ZNF500: variants seen among roughly 807,000 people sequenced by gnomAD.
The protein encoded by ZNF500 is zinc finger protein 500.
In ZNF500, 31 loss-of-function variants were observed where a neutral mutation model predicts 30.1. The observed-to-expected ratio is 1.03, with a 90% CI of 0.77 to 1.39. The LOEUF is 1.39. Ranked by LOEUF, ZNF500 falls within the 40% of genes most tolerant of loss-of-function variation. The probability of loss-of-function intolerance (pLI) is 0.00; values close to 1 mark genes in which losing one functional copy is unlikely to be tolerated. For missense variants in ZNF500, 817 were observed against 657.8 expected (o/e 1.24, Z -2.65); for synonymous variants, 392 against 282.0 (o/e 1.39, Z -3.91).
intron 4 of ZNF500, among the ~76,000 whole-genome samples, chr16:4,761,563 A>G (rs1162277934): frequency 2.0e-5 from 3 of 149,324 alleles, no homozygotes; most frequent in African/African-American, 7.4e-5. Context: ...AAAATAAAAC[A>G]GGCCAGGCAT....
At chr16:4,762,922 C>A (rs2082223070) in intron 2 of ZNF500, 166 bp from the exon 3 acceptor site, 1 of 985,290 alleles carries the variant, frequency 1.0e-6, no homozygotes, top group African/African-American at 1.7e-5. Flanking sequence ...TCCCTGCAGC[C>A]AGCTCCCAGC....
Position 4,765,754 on chromosome 16 carries a change from G to A in ZNF500, c.225C>T (p.Cys75=), listed in dbSNP as rs2141851996. 6.2e-7 allele frequency: 1 copy of A among 1,613,214 alleles called. No homozygotes were observed. The highest frequency in any genetic ancestry group is 8.5e-7 in the Non-Finnish European group (1 of 1,179,932). Residue 75 remains cysteine, a synonymous_variant, in exon 2 of 6, where the codon TGC becomes TGT. Coordinates refer to ENST00000219478, the MANE Select transcript of ZNF500 (RefSeq NM_021646.4). ...REALSRLWEL[C]CRWLRPELRT... is the part of the protein sequence containing the mutation. ...GCAGCTCCGGCCGCAGCCAGCGGCA[G>A]CACAGCTCCCAGAGGCGGCTCAGGG...
chr16:4,752,120 T>C lies in ZNF500; in HGVS notation c.*256A>G. 1 of 1,346,210 alleles carries C rather than the reference T, an allele frequency of 7.4e-7. No homozygotes were observed. The highest frequency in any genetic ancestry group is 9.5e-7 in the Non-Finnish European group (1 of 1,054,452). 83.4% of individuals were successfully genotyped at this position (1,346,210 alleles called of 1,614,324 possible). A position where few individuals can be genotyped will look rare whatever the true frequency, so the allele number is the denominator to read the frequency against. ...GCTTCTGGCCTCCTGAGTGTGTCTCTGTGGCTGAAGCCCCTGCTCTGTGTC... is the reference window on the plus strand; with the variant it reads ...GCTTCTGGCCTCCTGAGTGTGTCTCCGTGGCTGAAGCCCCTGCTCTGTGTC... On this transcript the variant is annotated 3_prime_UTR_variant, in exon 6 of 6. Coordinates refer to ENST00000219478, the MANE Select transcript of ZNF500 (RefSeq NM_021646.4).
Position 4,763,653 on chromosome 16 carries a change from C to A in ZNF500, c.415-897G>T, listed in dbSNP as rs1229213202. 5 of 985,304 alleles carry A rather than the reference C, an allele frequency of 5.1e-6. No homozygotes were observed. In the African/African-American group the frequency reaches 8.7e-5, roughly 17 times the overall value. The allele number at this position is 985,304 out of a possible 1,614,324, so 61.0% of individuals were successfully genotyped here. On this transcript the variant is annotated intron_variant, in intron 2 of 5. Coordinates refer to ENST00000219478, the MANE Select transcript of ZNF500 (RefSeq NM_021646.4). The stretch of plus-strand genomic sequence containing the variant: ...CCCTTGGGGAGCACAGCCTGCCCCT[C>A]TCAGCTCAGTGATGGCCATGAGGCA...
In ZNF500 at chr16:4,760,731, C is replaced by A. The variant is rs368040204; in HGVS notation, c.664-143G>T. On this transcript the variant is annotated intron_variant, in intron 4 of 5. Transcript: ENST00000219478. ...TGGTGCAGCTGGTCTTCTCCACTCT[C>A]GTTGCAGTGGTGAGTCCTGGTGTCT... 5.2e-5 allele frequency: 35 copies of A among 675,482 alleles called. No individual in the cohort carries two copies. The African/African-American group carries it at 5.6e-4, about 11-fold the overall frequency. The allele number at this position is 675,482 out of a possible 1,614,324, so 41.8% of individuals were successfully genotyped here. A position where few individuals can be genotyped will look rare whatever the true frequency, so the allele number is the denominator to read the frequency against.
At position 4,748,349 on chromosome 16, in the gene ZNF500, GC is replaced by G. The variant is rs2082045743; in HGVS notation, c.*4026del. 2 of 151,722 alleles carry G rather than the reference GC, an allele frequency of 1.3e-5. No individual in the cohort carries two copies. Among genetic ancestry groups the G allele is most frequent in the South Asian group, 4.2e-4 (2 of 4,790 alleles). 9.4% of individuals were successfully genotyped at this position (151,722 alleles called of 1,614,324 possible). On this transcript the variant is annotated 3_prime_UTR_variant, in exon 6 of 6. Coordinates refer to ENST00000219478, the MANE Select transcript of ZNF500 (RefSeq NM_021646.4). The stretch of plus-strand genomic sequence containing the variant: ...TATAGCACTGTGAGCTGCCAGCCTG[GC>G]TTTTAATGAACTTTTTGAAAGAGGA...
At position 4,750,030 on chromosome 16, in the gene ZNF500, G is replaced by C. The variant is rs1435628031; in HGVS notation, c.*2346C>G. 2 of 152,730 alleles carry C rather than the reference G, an allele frequency of 1.3e-5. No individual in the cohort carries two copies. The highest frequency in any genetic ancestry group is 6.5e-5 in the Admixed American group (1 of 15,292). The allele number at this position is 152,730 out of a possible 1,614,324, so 9.5% of individuals were successfully genotyped here. A position where few individuals can be genotyped will look rare whatever the true frequency, so the allele number is the denominator to read the frequency against. On this transcript the variant is annotated 3_prime_UTR_variant, in exon 6 of 6. Coordinates refer to ENST00000219478, the MANE Select transcript of ZNF500 (RefSeq NM_021646.4). The stretch of plus-strand genomic sequence containing the variant: ...CAGTGGGAGGCCACAGCCTCGGCAG[G>C]GGGAGGGAAGTGGGCAGACCCCAAC...
In ZNF500 at chr16:4,749,001, G is replaced by T. The variant is rs2082052609; in HGVS notation, c.*3375C>A. 6.6e-6 allele frequency: 1 copy of T among 152,330 alleles called. No homozygotes were observed. The highest frequency in any genetic ancestry group is 1.5e-5 in the Non-Finnish European group (1 of 68,108). 9.4% of individuals were successfully genotyped at this position (152,330 alleles called of 1,614,324 possible). On this transcript the variant is annotated 3_prime_UTR_variant, in exon 6 of 6. Transcript: ENST00000219478. ...GATGTCTGCTCTCTGGACCCCACGT[G>T]ATCTGGCCACTGGGGACCCCCACCC...
chr16:4,759,457 G>A (rs907810433), intron 5 of ZNF500, among the ~76,000 whole-genome samples: 1 of 152,136 alleles, frequency 6.6e-6, no homozygotes, highest in Admixed American at 6.6e-5. Context: ...CACGTTCACT[G>A]CAGCATTATT....
At chr16:4,754,399 C>A (rs2082115170) in intron 5 of ZNF500, among the ~76,000 whole-genome samples, 1 of 152,092 alleles carries the variant, frequency 6.6e-6, no homozygotes, top group Non-Finnish European at 1.5e-5. Context: ...GTGGCTCATG[C>A]CTGTAATCCA....
chr16:4,757,636 T>C (rs2082150576), intron 5 of ZNF500, among the ~76,000 whole-genome samples: 1 of 151,950 alleles, frequency 6.6e-6, no homozygotes, highest in African/African-American at 2.4e-5. Flanking sequence ...GGAGTCTTGC[T>C]CTGTTGCCCA....
rs1567521659 is a variant in ZNF500 at position 4,753,324 on chromosome 16, T to A, written c.761-266A>T. 4.3e-5 allele frequency: 23 copies of A among 534,708 alleles called. No individual in the cohort carries two copies. In the East Asian group the frequency reaches 7.9e-4, roughly 18 times the overall value. 33.1% of individuals were successfully genotyped at this position (534,708 alleles called of 1,614,324 possible). A position where few individuals can be genotyped will look rare whatever the true frequency, so the allele number is the denominator to read the frequency against. The stretch of plus-strand genomic sequence containing the variant: ...GAAAATAAACAAAACTAGCTGGGCA[T>A]GGTGGCGTGTGCCTGTAGTCCTAGC... On this transcript the variant is annotated intron_variant, in intron 5 of 5. Coordinates refer to ENST00000219478, the MANE Select transcript of ZNF500 (RefSeq NM_021646.4).
Position 4,763,556 on chromosome 16 carries a change from C to T in ZNF500, c.415-800G>A, listed in dbSNP as rs2082231036. On this transcript the variant is annotated intron_variant, in intron 2 of 5. Transcript: ENST00000219478. The stretch of plus-strand genomic sequence containing the variant: ...GACAAGAGACATCCCTAGGCAACTA[C>T]AAACCCAGCGTCAGGGACCCATCTC... The T allele has an allele frequency of 3.0e-6, 3 of 985,308 alleles. No individual in the cohort carries two copies. The South Asian group carries it at 1.4e-4, about 46-fold the overall frequency. The allele number at this position is 985,308 out of a possible 1,614,324, so 61.0% of individuals were successfully genotyped here.
At chr16:4,753,882 G>T (rs1344640622) in intron 5 of ZNF500, among the ~76,000 whole-genome samples, 1 of 152,212 alleles carries the variant, frequency 6.6e-6, no homozygotes, top group African/African-American at 2.4e-5. Context: ...AGCAGTCGTG[G>T]CTCCCAGCCA....
Position 4,752,084 on chromosome 16 carries a change from C to G in ZNF500, c.*292G>C. 2 of 1,319,228 alleles carry G rather than the reference C, an allele frequency of 1.5e-6. No individual in the cohort carries two copies. Among genetic ancestry groups the G allele is most frequent in the Non-Finnish European group, 1.9e-6 (2 of 1,038,206 alleles). The allele number at this position is 1,319,228 out of a possible 1,614,324, so 81.7% of individuals were successfully genotyped here. A position where few individuals can be genotyped will look rare whatever the true frequency, so the allele number is the denominator to read the frequency against. The stretch of plus-strand genomic sequence containing the variant: ...CTTCAGGAGCCAGCCCCACGAACAC[C>G]TTGAGTGTCGGCTTCTGGCCTCCTG... On this transcript the variant is annotated 3_prime_UTR_variant, in exon 6 of 6. Coordinates refer to ENST00000219478, the MANE Select transcript of ZNF500 (RefSeq NM_021646.4).
intron 1 of ZNF500, 162 bp from the exon 2 acceptor site, chr16:4,766,238 C>T (rs77136441): frequency 0.12 from 45,919 of 383,706 alleles, 3,504 homozygotes; most frequent in Admixed American, 0.2. Context: ...CCTGTTAATT[C>T]CCGGGTAATT....
chr16:4,761,682 T>TAAAAAAAAAAC (rs1284819961), intron 4 of ZNF500, among the ~76,000 whole-genome samples: 1 of 135,798 alleles, frequency 7.4e-6, no homozygotes, highest in Non-Finnish European at 1.6e-5. Flanking sequence ...TGTGTCCCAT[T>TAAAAAAAAAAC]AAAAAAAAAA....
At chr16:4,754,679 A>T (rs992407749) in intron 5 of ZNF500, among the ~76,000 whole-genome samples, 34 of 151,808 alleles carry the variant, frequency 2.2e-4, no homozygotes, top group South Asian at 6.2e-4. Flanking sequence ...AATAAAAAAA[A>T]AAAAAATAGA....
rs372666825 is a variant in ZNF500, at chr16:4,765,857, G to A, written c.122C>T (p.Thr41Met). The A allele has an allele frequency of 1.4e-5, 23 of 1,613,666 alleles. No homozygotes were observed. Among genetic ancestry groups the A allele is most frequent in the African/African-American group, 6.7e-5 (5 of 74,918 alleles). ...FCLEEEPSVE[T>M]EDPSPETFRQ... ...GAAAGTCTCAGGGCTGGGGTCCTCCGTCTCCACGGAGGGCTCCTCTTCCAA... is the reference window on the plus strand; with the variant it reads ...GAAAGTCTCAGGGCTGGGGTCCTCCATCTCCACGGAGGGCTCCTCTTCCAA... The change falls in exon 2 of 6, where the codon ACG becomes ATG. Residue 41 changes from threonine to methionine, a missense_variant. By Grantham distance (81) the Thr-to-Met change is moderately conservative (BLOSUM62 -1). Coordinates refer to ENST00000219478, the MANE Select transcript of ZNF500 (RefSeq NM_021646.4).
Sources: allele counts gnomAD v4.1 joint callset (sites outside exome capture counted in the v4.1 genomes callset), GRCh38; gene constraint gnomAD v4.1.1; transcripts MANE v1.5; gene names NCBI Gene and HGNC (gene_info 2026-07-23, HGNC 2026-07-21).